INO80D: variants seen among roughly 807,000 people sequenced by gnomAD.
INO80D encodes INO80 complex subunit D.
Under a neutral mutation model 87.6 loss-of-function variants are expected in INO80D, and 21 were observed. That is an observed-to-expected ratio of 0.24 (90% CI 0.17 to 0.35). The LOEUF is 0.35. Among genes scored for constraint, INO80D ranks in the 10% least tolerant of loss-of-function variants. The probability of loss-of-function intolerance (pLI) is 1.00; values close to 1 mark genes in which losing one functional copy is unlikely to be tolerated. For missense variants in INO80D, 982 were observed against 1,280.7 expected, an observed-to-expected ratio of 0.77 and a Z score of 3.56; for synonymous variants, 440 against 491.0, an observed-to-expected ratio of 0.90 and a Z score of 1.37.
intron 8 of INO80D, among the ~76,000 whole-genome samples, chr2:206,015,142 T>C (rs981581990): frequency 2.0e-5 from 3 of 152,204 alleles, no homozygotes; most frequent in South Asian, 2.1e-4. Context: ...AAGGGAAATA[T>C]AGAATAAAAG....
intron 1 of INO80D, among the ~76,000 whole-genome samples, chr2:206,067,591 G>A (rs1040240648): frequency 2.1e-5 from 3 of 145,448 alleles, no homozygotes; most frequent in Non-Finnish European, 3.0e-5. Context: ...ATTATTTTGT[G>A]TCCATTAAAA....
intron 6 of INO80D, among the ~76,000 whole-genome samples, chr2:206,026,757 G>GT (rs1688625983): frequency 6.6e-6 from 1 of 150,986 alleles, no homozygotes; most frequent in Non-Finnish European, 1.5e-5. Context: ...ATAAACAAAG[G>GT]TATTACTGTA....
At chr2:206,046,698 C>A (rs1689204791) in intron 4 of INO80D, 86 bp from the exon 5 acceptor site, 5 of 780,212 alleles carry the variant, frequency 6.4e-6, no homozygotes, top group African/African-American at 1.7e-5. Context: ...AATAACATAA[C>A]CCAACATACC....
chr2:206,055,690 G>A (rs754924496), intron 4 of INO80D, among the ~76,000 whole-genome samples: 90 of 152,192 alleles, frequency 5.9e-4, no homozygotes, highest in Non-Finnish European at 1.1e-3. Context: ...ACACCCTCCA[G>A]TGTTGGCCCT....
chr2:206,013,175 T>A (rs954421211), intron 8 of INO80D, among the ~76,000 whole-genome samples: 4 of 152,172 alleles, frequency 2.6e-5, no homozygotes, highest in Non-Finnish European at 4.4e-5. Flanking sequence ...TAGGTTTGCC[T>A]CATTGAATTT....
At chr2:206,038,798 C>G (rs993770657) in intron 5 of INO80D, among the ~76,000 whole-genome samples, 1 of 151,960 alleles carries the variant, frequency 6.6e-6, no homozygotes, top group Non-Finnish European at 1.5e-5. Context: ...GAGACCCTGT[C>G]TCAGAAAACA....
chr2:206,044,093 T>C (rs1689130740), intron 5 of INO80D, among the ~76,000 whole-genome samples: 2 of 152,040 alleles, frequency 1.3e-5, no homozygotes, highest in African/African-American at 4.8e-5. Flanking sequence ...CTCGGGAGGC[T>C]GTGGCAGGAG....
rs755889933 is a variant in INO80D, at chr2:206,056,522, G to A, written c.640C>T (p.Pro214Ser). Residue 214 changes from proline to serine, a missense_variant, in exon 4 of 11, where the codon CCT becomes TCT. Transcript: ENST00000403263. ...GGAGGTTTTAAAGAAGTAGATAAAG[G>A]TGACAGGTGGGAGTGCTGCTGCGGA... ...QPPQQHSHLS[P>S]LSTSLKPPAP... 16 of 1,613,400 alleles carry A rather than the reference G, an allele frequency of 9.9e-6. No homozygotes were observed. The highest frequency in any genetic ancestry group is 1.2e-5 in the Non-Finnish European group (14 of 1,179,696).
Position 206,031,612 on chromosome 2 carries a change from C to T in INO80D, c.1074-3277G>A, listed in dbSNP as rs72946405. ...TGCCTCCTGTGCTGCGCAGCACTTG[C>T]GGGTGCCCCAGATGGCACTTTACCC... On this transcript the variant is annotated intron_variant, in intron 5 of 10. Coordinates refer to ENST00000403263, the MANE Select transcript of INO80D (RefSeq NM_017759.5). Among the ~76,000 whole-genome samples, 105 of 152,328 alleles carry T rather than the reference C, an allele frequency of 6.9e-4. 2 individuals are homozygous for T. The highest frequency in any genetic ancestry group is 1.1e-3 in the Admixed American group (17 of 15,300).
At chr2:206,060,741 G>A (rs1049824765) in intron 3 of INO80D, among the ~76,000 whole-genome samples, 8 of 151,840 alleles carry the variant, frequency 5.3e-5, no homozygotes, top group African/African-American at 1.9e-4. Context: ...TGTATTTTTA[G>A]TAGAGACGGG....
At chr2:206,048,669 G>T (rs1419253553) in intron 4 of INO80D, among the ~76,000 whole-genome samples, 6 of 152,118 alleles carry the variant, frequency 3.9e-5, no homozygotes, top group African/African-American at 1.4e-4. Context: ...TGAGCCAAGG[G>T]GATCACTTTA....
rs1687969002 is a variant in INO80D at position 206,004,485 on chromosome 2, A to C, written c.2967T>G (p.Ile989Met). ...FGHQLSSHSG[I>M]PKDLQPSHSS... is the part of the protein sequence containing the mutation. ...TGTGGCTGGGCTGCAGGTCCTTAGG[A>C]ATGCCACTGTGAGAACTCAGCTGGT... The change falls in exon 11 of 11, where the codon ATT (isoleucine) becomes ATG (methionine). Residue 989 changes from isoleucine to methionine, a missense_variant. Physicochemically the swap from Ile to Met is conservative, Grantham distance 10. Transcript: ENST00000403263. This position sits in a 1 kb window ranked among gnomAD's most constrained non-coding sequence, Gnocchi z 4.9. 1 of 1,608,216 alleles carries C rather than the reference A, an allele frequency of 6.2e-7. No individual in the cohort carries two copies. The highest frequency in any genetic ancestry group is 8.5e-7 in the Non-Finnish European group (1 of 1,177,398).
At chr2:206,074,038 T>C (rs1690042676) in intron 1 of INO80D, among the ~76,000 whole-genome samples, 1 of 151,862 alleles carries the variant, frequency 6.6e-6, no homozygotes, top group Non-Finnish European at 1.5e-5. Context: ...ATGATGAATA[T>C]CACTTTAAAA....
chr2:206,026,914 A>G (rs1238087515), intron 6 of INO80D, among the ~76,000 whole-genome samples: 2 of 152,146 alleles, frequency 1.3e-5, no homozygotes, highest in Admixed American at 6.5e-5. Flanking sequence ...CTTGAAGAAC[A>G]TAGGGAAATG....
chr2:206,008,282 C>CTTTT, intron 9 of INO80D, among the ~76,000 whole-genome samples: 1 of 121,194 alleles, frequency 8.3e-6, no homozygotes, highest in South Asian at 2.8e-4. Context: ...CCATGCCTTG[C>CTTTT]TTTTTTTTTT....
intron 4 of INO80D, among the ~76,000 whole-genome samples, chr2:206,051,067 T>C (rs1454832933): frequency 1.3e-5 from 2 of 151,918 alleles, no homozygotes; most frequent in Non-Finnish European, 2.9e-5. Context: ...ATAAAAGGAC[T>C]AAAAGAAAAT....
At chr2:206,028,706 C>T (rs1688682344) in intron 5 of INO80D, among the ~76,000 whole-genome samples, 1 of 152,078 alleles carries the variant, frequency 6.6e-6, no homozygotes, top group Admixed American at 6.5e-5. Context: ...TGAGGAAACA[C>T]ATAGCATAAT....
rs1688124063 is a variant in INO80D, at chr2:206,009,865, C to G, written c.1543-71G>C. The G allele has an allele frequency of 2.5e-6, 3 of 1,222,948 alleles. No homozygotes were observed. The East Asian group carries it at 7.6e-5, about 31-fold the overall frequency. The allele number at this position is 1,222,948 out of a possible 1,614,324, so 75.8% of individuals were successfully genotyped here. On this transcript the variant is annotated intron_variant, in intron 8 of 10. Transcript: ENST00000403263. ...AAACCTGACAGCTACCTAAAAAATACTTACATCCCTTAATATTCTATATAA... is the reference window on the plus strand; with the variant it reads ...AAACCTGACAGCTACCTAAAAAATAGTTACATCCCTTAATATTCTATATAA...
In INO80D at chr2:206,019,758, T is replaced by C; in HGVS notation, c.1386A>G (p.Pro462=). The C allele has an allele frequency of 6.2e-7, 1 of 1,613,718 alleles. No individual in the cohort carries two copies. Among genetic ancestry groups the C allele is most frequent in the Non-Finnish European group, 8.5e-7 (1 of 1,179,736 alleles). Residue 462 remains proline (P), a synonymous_variant, in exon 7 of 11, where the codon CCA becomes CCG. Transcript: ENST00000403263. ...TACGTTGGAAACAATGTCTGGTGAA[T>C]GGAAGGGCTTTGTTAGCGCACTGTT... ...KGEQCANKAL[P]FTRHCFQHIL...
Sources: gnomAD v4.1 joint callset for allele counts (sites outside exome capture counted in the v4.1 genomes callset) on GRCh38, gnomAD v4.1.1 for gene constraint, Gnocchi (gnomAD v3.1) non-coding constraint, MANE v1.5 for transcripts, NCBI Gene and HGNC (gene_info 2026-07-23, HGNC 2026-07-21) for gene names.